APBB2: variants seen among roughly 807,000 people sequenced by gnomAD.
The protein encoded by APBB2 is amyloid beta precursor protein binding family B member 2, also known as Fe65-like 1.
A neutral mutation model predicts 82.5 loss-of-function variants in APBB2; 38 were observed. The observed-to-expected ratio is 0.46, with a 90% CI of 0.36 to 0.60. The LOEUF is 0.60. Among genes scored for constraint, APBB2 ranks in the 20% least tolerant of loss-of-function variants. APBB2 has a pLI of 0.00. For synonymous variants in APBB2, 341 were observed against 368.2 expected (o/e 0.93, Z 0.85); for missense variants, 772 against 972.3 (o/e 0.79, Z 2.74).
intron 1 of APBB2, among the ~76,000 whole-genome samples, chr4:41,148,008 T>C (rs939057851): frequency 6.6e-6 from 1 of 152,176 alleles, no homozygotes; most frequent in Non-Finnish European, 1.5e-5. Context: ...ACAGTATTGA[T>C]AAATTTACAG....
chr4:40,970,259 T>C (rs1795614804), intron 6 of APBB2, among the ~76,000 whole-genome samples: 1 of 152,196 alleles, frequency 6.6e-6, no homozygotes, highest in Non-Finnish European at 1.5e-5. Flanking sequence ...GAACCACTAA[T>C]TACTCCTTAA....
At chr4:40,849,287 T>A (rs765213139) in intron 12 of APBB2, among the ~76,000 whole-genome samples, 1 of 152,206 alleles carries the variant, frequency 6.6e-6, no homozygotes, top group African/African-American at 2.4e-5. Flanking sequence ...AGATTATTAA[T>A]CTCTTATGAC....
chr4:40,950,989 G>C (rs908940322), intron 6 of APBB2, among the ~76,000 whole-genome samples: 5 of 152,158 alleles, frequency 3.3e-5, no homozygotes, highest in Admixed American at 3.3e-4. Flanking sequence ...AGACAAAACA[G>C]AATATATTAA....
At chr4:41,095,808 T>C (rs1434644478) in intron 3 of APBB2, among the ~76,000 whole-genome samples, 1 of 152,202 alleles carries the variant, frequency 6.6e-6, no homozygotes, top group Non-Finnish European at 1.5e-5. Context: ...TCCACACTAC[T>C]GCCCAAGTGA....
chr4:40,867,457 G>A (rs1273839003), intron 12 of APBB2, among the ~76,000 whole-genome samples: 4 of 152,064 alleles, frequency 2.6e-5, no homozygotes, highest in Admixed American at 6.6e-5. Flanking sequence ...AACAAAATAG[G>A]CTCAGAGGGA....
At chr4:41,183,930 T>C (rs1772156057) in intron 1 of APBB2, among the ~76,000 whole-genome samples, 1 of 152,028 alleles carries the variant, frequency 6.6e-6, no homozygotes, top group Non-Finnish European at 1.5e-5. Flanking sequence ...TATAATGAAA[T>C]AATTATACAA....
intron 6 of APBB2, among the ~76,000 whole-genome samples, chr4:40,972,084 CTA>C (rs1796061553): frequency 6.6e-6 from 1 of 152,158 alleles, no homozygotes; most frequent in South Asian, 2.1e-4. Context: ...AAATTATAGA[CTA>C]TTTTTACTGC....
intron 6 of APBB2, among the ~76,000 whole-genome samples, chr4:40,957,903 A>G (rs1213159370): frequency 6.6e-6 from 1 of 152,192 alleles, no homozygotes; most frequent in East Asian, 1.9e-4. Context: ...TATTCTCATA[A>G]AAGTATGCAG....
At chr4:41,181,905 C>T (rs1439287569) in intron 1 of APBB2, among the ~76,000 whole-genome samples, 2 of 140,694 alleles carry the variant, frequency 1.4e-5, no homozygotes, top group Admixed American at 1.5e-4. Context: ...GAGATCACGC[C>T]ATTGCACCAG....
chr4:41,059,870 G>A (rs185793490), intron 4 of APBB2, among the ~76,000 whole-genome samples: 320 of 152,000 alleles, frequency 2.1e-3, no homozygotes, highest in Middle Eastern at 6.8e-3. Context: ...GTGCCGCTGG[G>A]TTAGAGTCTC....
intron 2 of APBB2, among the ~76,000 whole-genome samples, chr4:41,113,563 GA>G (rs1180040427): frequency 6.6e-6 from 1 of 152,160 alleles, no homozygotes; most frequent in Non-Finnish European, 1.5e-5. Context: ...GTTTGCAGAT[GA>G]CATGATTGTG....
At chr4:41,085,067 A>G (rs1739134656) in intron 3 of APBB2, among the ~76,000 whole-genome samples, 2 of 152,072 alleles carry the variant, frequency 1.3e-5, no homozygotes, top group Admixed American at 6.6e-5. Flanking sequence ...TGGCTAACAC[A>G]GTGAAACTCC....
Position 40,882,569 on chromosome 4 carries a change from C to G in APBB2, c.1529+7795G>C, listed in dbSNP as rs1036308062. Among the ~76,000 whole-genome samples the G allele has an allele frequency of 2.0e-5, 3 of 152,318 alleles. No homozygotes were observed. In the East Asian group the frequency reaches 5.8e-4, roughly 29 times the overall value. On this transcript the variant is annotated intron_variant, in intron 12 of 17. Transcript: ENST00000508593. Reference sequence around the variant, plus strand: ...GTTTCTAGGATGGTGCTCAGAGAAACAGGAAGCAAAGGAGGGAGCAAGTTC... The same window carrying G: ...GTTTCTAGGATGGTGCTCAGAGAAAGAGGAAGCAAAGGAGGGAGCAAGTTC...
intron 6 of APBB2, among the ~76,000 whole-genome samples, chr4:40,949,389 T>C (rs1789431719): frequency 6.6e-6 from 1 of 152,196 alleles, no homozygotes; most frequent in Admixed American, 6.5e-5. Flanking sequence ...TCTTTATGTA[T>C]GATTTTCCTT....
intron 6 of APBB2, among the ~76,000 whole-genome samples, chr4:41,006,919 GC>G (rs1280336817): frequency 6.6e-6 from 1 of 152,154 alleles, no homozygotes; most frequent in African/African-American, 2.4e-5. Context: ...GCTAGCTAAA[GC>G]CAGAAATAAG....
chr4:40,923,006 G>A (rs557302879), intron 10 of APBB2, among the ~76,000 whole-genome samples: 323 of 147,592 alleles, frequency 2.2e-3, no homozygotes, highest in African/African-American at 7.6e-3. Context: ...ACGGAGTCCC[G>A]CTCTTTAGCC....
intron 1 of APBB2, among the ~76,000 whole-genome samples, chr4:41,172,355 A>G (rs937046617): frequency 6.6e-6 from 1 of 151,786 alleles, no homozygotes; most frequent in East Asian, 1.9e-4. Flanking sequence ...ACTTTGGCCT[A>G]CGTAACTTCT....
At chr4:40,958,553 T>G (rs1792268147) in intron 6 of APBB2, among the ~76,000 whole-genome samples, 1 of 152,070 alleles carries the variant, frequency 6.6e-6, no homozygotes, top group Non-Finnish European at 1.5e-5. Flanking sequence ...GGAGAATGGG[T>G]GTAGGTGAGA....
At chr4:40,882,828 C>CT (rs1386769048) in intron 12 of APBB2, among the ~76,000 whole-genome samples, 1 of 152,172 alleles carries the variant, frequency 6.6e-6, no homozygotes, top group Non-Finnish European at 1.5e-5. Context: ...TTTCACACTG[C>CT]GTCGGAACGT....
Sources: allele counts gnomAD v4.1 joint callset (sites outside exome capture counted in the v4.1 genomes callset), GRCh38; gene constraint gnomAD v4.1.1; transcripts MANE v1.5; gene names NCBI Gene and HGNC (gene_info 2026-07-23, HGNC 2026-07-21).